Variants in PPP2CB observed in about 807,000 individuals in gnomAD.
The protein encoded by PPP2CB is serine/threonine-protein phosphatase 2A catalytic subunit beta isoform.
Under a neutral mutation model 39.1 loss-of-function variants are expected in PPP2CB, and 18 were observed. The observed-to-expected ratio is 0.46, with a 90% CI of 0.32 to 0.68. The LOEUF is 0.68. PPP2CB is among the 30% of genes least tolerant of loss of function. PPP2CB has a pLI of 0.04. For missense variants in PPP2CB, 226 were observed against 396.9 expected (o/e 0.57, Z 3.66); for synonymous variants, 129 against 133.8 (o/e 0.96, Z 0.25).
intron 6 of PPP2CB, among the ~76,000 whole-genome samples, chr8:30,790,063 C>T (rs1481835436): frequency 6.6e-6 from 1 of 152,174 alleles, no homozygotes; most frequent in Non-Finnish European, 1.5e-5. Context: ...TTTAGGCCCA[C>T]CCTAATCCAG....
At position 30,794,541 on chromosome 8, in the gene PPP2CB, C is replaced by A. The variant is rs1806488489; in HGVS notation, c.487-260G>T. 6 of 374,336 alleles carry A rather than the reference C, an allele frequency of 1.6e-5. No individual in the cohort carries two copies. The South Asian group carries it at 1.9e-4, about 12-fold the overall frequency. 23.2% of individuals were successfully genotyped at this position (374,336 alleles called of 1,614,324 possible). A position where few individuals can be genotyped will look rare whatever the true frequency, so the allele number is the denominator to read the frequency against. ...GTCAATGGTATCCCCATCCTTGGTA[C>A]CTACCATTAAATTTCTTTCTTTCTT... On this transcript the variant is annotated intron_variant, in intron 3 of 6. Coordinates refer to ENST00000221138, the MANE Select transcript of PPP2CB (RefSeq NM_001009552.2).
At chr8:30,795,844 C>A (rs752010639) in intron 3 of PPP2CB, among the ~76,000 whole-genome samples, 1 of 152,318 alleles carries the variant, frequency 6.6e-6, no homozygotes, top group Non-Finnish European at 1.5e-5. Context: ...TTGTGATACA[C>A]GAGCTCCTGC....
chr8:30,797,779 T>C (rs767458010), intron 2 of PPP2CB, 25 bp from the exon 3 acceptor site: 20 of 1,603,878 alleles, frequency 1.2e-5, no homozygotes, highest in Middle Eastern at 1.8e-4. Flanking sequence ...GTAAAACCCA[T>C]AGTAAAATCA....
chr8:30,793,056 T>C (rs1256792545), intron 5 of PPP2CB: 2 of 152,132 alleles, frequency 1.3e-5, no homozygotes, highest in African/African-American at 4.8e-5. Flanking sequence ...CTGGCAGACA[T>C]CATCTTAACT....
chr8:30,788,541 C>T (rs1245253780), intron 6 of PPP2CB, among the ~76,000 whole-genome samples: 1 of 152,218 alleles, frequency 6.6e-6, no homozygotes, highest in Non-Finnish European at 1.5e-5. Context: ...TGAGCCACAG[C>T]ATCCAGCCAT....
chr8:30,807,742 G>C (rs1239122306), intron 1 of PPP2CB, among the ~76,000 whole-genome samples: 1 of 152,162 alleles, frequency 6.6e-6, no homozygotes, highest in Non-Finnish European at 1.5e-5. Context: ...GTGCCAGCCT[G>C]GCTCTCTTGG....
At chr8:30,789,580 G>C (rs1370942332) in intron 6 of PPP2CB, among the ~76,000 whole-genome samples, 2 of 152,208 alleles carry the variant, frequency 1.3e-5, no homozygotes, top group Non-Finnish European at 2.9e-5. Flanking sequence ...AGTCCAGAGA[G>C]GGTATAACCT....
chr8:30,809,836 C>T (rs1806793601), intron 1 of PPP2CB, among the ~76,000 whole-genome samples: 1 of 152,052 alleles, frequency 6.6e-6, no homozygotes, highest in Non-Finnish European at 1.5e-5. Context: ...ACTTGAGAGG[C>T]TGAAGTGGGA....
At chr8:30,806,941 C>A (rs974217116) in intron 1 of PPP2CB, among the ~76,000 whole-genome samples, 2 of 152,070 alleles carry the variant, frequency 1.3e-5, no homozygotes, top group Non-Finnish European at 2.9e-5. Context: ...ATATATTTGA[C>A]ACGTCATATA....
In PPP2CB at chr8:30,812,342, T is replaced by C. The variant is rs1191530526; in HGVS notation, c.80A>G (p.Gln27Arg). The part of the protein sequence containing the change: ...LNECKQLNEN[Q>R]VRTLCEKAKE... ...CACCTTCTCGCACAGCGTCCGCACT[T>C]GGTTCTCGTTCAGCTGCTTACACTC... Residue 27 changes from glutamine to arginine, a missense_variant, in exon 1 of 7, where the codon CAA (glutamine) becomes CGA (arginine). Physicochemically the swap from Gln to Arg is conservative, Grantham distance 43. Around this residue, in one of 4 missense-constraint regions of PPP2CB, gnomAD observed 59 missense variants for 42.6 expected, o/e 1.38. Coordinates refer to ENST00000221138, the MANE Select transcript of PPP2CB (RefSeq NM_001009552.2). 2 of 1,548,574 alleles carry C rather than the reference T, an allele frequency of 1.3e-6. No homozygotes were observed. Among genetic ancestry groups the C allele is most frequent in the Admixed American group, 1.8e-5 (1 of 56,008 alleles).
intron 1 of PPP2CB, among the ~76,000 whole-genome samples, chr8:30,804,186 C>G (rs75149458): frequency 0.077 from 11,721 of 152,256 alleles, 586 homozygotes; most frequent in African/African-American, 0.12. Context: ...CCTCACATTG[C>G]ACACACTCCA....
At chr8:30,805,222 G>A (rs550969130) in intron 1 of PPP2CB, among the ~76,000 whole-genome samples, 4 of 152,138 alleles carry the variant, frequency 2.6e-5, no homozygotes, top group South Asian at 2.1e-4. Context: ...AATATCATGC[G>A]GAACTCTTTT....
At position 30,812,620 on chromosome 8, in the gene PPP2CB, C is replaced by G. The variant is rs565486149; in HGVS notation, c.-199G>C. 3.0e-6 allele frequency: 1 copy of G among 330,430 alleles called. No homozygotes were observed. Among genetic ancestry groups the G allele is most frequent in the African/African-American group, 2.2e-5 (1 of 45,512 alleles). 20.5% of individuals were successfully genotyped at this position (330,430 alleles called of 1,614,324 possible). On this transcript the variant is annotated 5_prime_UTR_variant, in exon 1 of 7. Coordinates refer to ENST00000221138, the MANE Select transcript of PPP2CB (RefSeq NM_001009552.2). ...CCCAAGCCCAGCAGGCGGCTCCGAGCGCGCAGCCTGGAGGAGACCCCCGCC... is the reference window on the plus strand; with the variant it reads ...CCCAAGCCCAGCAGGCGGCTCCGAGGGCGCAGCCTGGAGGAGACCCCCGCC...
chr8:30,805,199 C>A (rs1321769192), intron 1 of PPP2CB, among the ~76,000 whole-genome samples: 1 of 152,206 alleles, frequency 6.6e-6, no homozygotes, highest in Non-Finnish European at 1.5e-5. Context: ...GAGCTCTCAT[C>A]ATCCAGGACA....
chr8:30,786,575 G>T, intron 6 of PPP2CB: 1 of 203,284 alleles, frequency 4.9e-6, no homozygotes. Context: ...TTATTTAAAA[G>T]CTTAAATAAT....
intron 2 of PPP2CB, among the ~76,000 whole-genome samples, chr8:30,798,490 A>G (rs1005937846): frequency 6.6e-6 from 1 of 152,242 alleles, no homozygotes; most frequent in African/African-American, 2.4e-5. Flanking sequence ...TGTGCTGGGC[A>G]GCATTTTTGT....
intron 1 of PPP2CB, among the ~76,000 whole-genome samples, chr8:30,807,154 ATT>A: frequency 1.3e-5 from 2 of 152,298 alleles, no homozygotes; most frequent in East Asian, 3.9e-4. Context: ...GAAAGGAGCT[ATT>A]TTATCACTGC....
At position 30,797,756 on chromosome 8, in the gene PPP2CB, TG is replaced by T. The variant is rs775988287; in HGVS notation, c.313-3del. 6.2e-7 allele frequency: 1 copy of T among 1,612,134 alleles called. No homozygotes were observed. Among genetic ancestry groups the T allele is most frequent in the Non-Finnish European group, 8.5e-7 (1 of 1,179,352 alleles). On this transcript the variant is annotated splice_polypyrimidine_tract_variant and splice_region_variant and intron_variant, in intron 2 of 6. Transcript: ENST00000221138. Reference sequence around the variant, plus strand: ...TGTAATGCGTTCTGGATAACGCACCTGGAAGAAAAGGAGTAAAACCCATAGT... The same window carrying T: ...TGTAATGCGTTCTGGATAACGCACCTGAAGAAAAGGAGTAAAACCCATAGT...
intron 2 of PPP2CB, among the ~76,000 whole-genome samples, chr8:30,798,402 T>G (rs1222792421): frequency 1.3e-5 from 2 of 152,210 alleles, no homozygotes; most frequent in Non-Finnish European, 2.9e-5. Flanking sequence ...TCATACATAT[T>G]TTACTAAGCA....
Sources: gnomAD v4.1 joint callset for allele counts (sites outside exome capture counted in the v4.1 genomes callset) on GRCh38, gnomAD v4.1.1 for gene constraint, gnomAD v4.1.1 regional missense constraint, MANE v1.5 for transcripts, NCBI Gene and HGNC (gene_info 2026-07-23, HGNC 2026-07-21) for gene names.